Variants in SEC22A observed in about 807,000 individuals in gnomAD.
The protein encoded by SEC22A is SEC22 homolog A, vesicle trafficking protein, also known as vesicle-trafficking protein SEC22a.
Under a neutral mutation model 35.3 loss-of-function variants are expected in SEC22A, and 22 were observed. The observed-to-expected ratio is 0.62, with a 90% confidence interval of 0.45 to 0.89. The LOEUF is 0.89. SEC22A is among the 40% of genes least tolerant of loss of function. The probability of loss-of-function intolerance (pLI) is 0.00; values close to 1 mark genes in which losing one functional copy is unlikely to be tolerated. For missense variants in SEC22A, 354 were observed against 362.5 expected (o/e 0.98, Z 0.19); for synonymous variants, 119 against 129.5 (o/e 0.92, Z 0.55).
At chr3:123,203,323 A>G (rs1301508428) in intron 1 of SEC22A, among the ~76,000 whole-genome samples, 1 of 152,008 alleles carries the variant, frequency 6.6e-6, no homozygotes, top group African/African-American at 2.4e-5. Context: ...CCTATCTCAC[A>G]GGTTTTTGGA....
At chr3:123,260,833 C>A in intron 6 of SEC22A, among the ~76,000 whole-genome samples, 1 of 127,988 alleles carries the variant, frequency 7.8e-6, no homozygotes. Flanking sequence ...ACTTGATTTT[C>A]TTTTTCTTTT....
chr3:123,216,251 A>G (rs563532561), intron 2 of SEC22A, among the ~76,000 whole-genome samples: 1 of 152,292 alleles, frequency 6.6e-6, no homozygotes, highest in Non-Finnish European at 1.5e-5. Context: ...GGATTATCTG[A>G]TCAGTTATCT....
intron 4 of SEC22A, among the ~76,000 whole-genome samples, chr3:123,242,514 A>G (rs1156414559): frequency 9.2e-6 from 1 of 108,626 alleles, no homozygotes; most frequent in East Asian, 2.3e-4. Flanking sequence ...TTTTTTTTTT[A>G]ATTTTAGCTT....
At chr3:123,228,109 A>G (rs139939063) in intron 4 of SEC22A, among the ~76,000 whole-genome samples, 1 of 152,272 alleles carries the variant, frequency 6.6e-6, no homozygotes, top group East Asian at 1.9e-4. Context: ...GAAGAGGGTA[A>G]CAAATTTCAT....
At chr3:123,205,238 G>C (rs985514194) in intron 1 of SEC22A, among the ~76,000 whole-genome samples, 2 of 152,204 alleles carry the variant, frequency 1.3e-5, no homozygotes, top group Non-Finnish European at 2.9e-5. Context: ...TTTGGATGCT[G>C]AATCAAATTA....
chr3:123,253,651 G>A (rs1355573994), intron 5 of SEC22A, among the ~76,000 whole-genome samples: 3 of 149,214 alleles, frequency 2.0e-5, no homozygotes, highest in Admixed American at 6.8e-5. Flanking sequence ...GGCGGAGGTT[G>A]TAGTGAGCCG....
chr3:123,221,515 G>A (rs1330997725), intron 2 of SEC22A, among the ~76,000 whole-genome samples: 2 of 147,422 alleles, frequency 1.4e-5, no homozygotes, highest in African/African-American at 5.0e-5. Context: ...TAGTTTAGCA[G>A]AGTCCAGCAT....
chr3:123,233,353 A>C (rs1937355273), intron 4 of SEC22A, among the ~76,000 whole-genome samples: 1 of 152,192 alleles, frequency 6.6e-6, no homozygotes, highest in African/African-American at 2.4e-5. Context: ...CATATAGCCT[A>C]GGTATGTATT....
At chr3:123,246,524 G>A (rs1014927656) in intron 5 of SEC22A, among the ~76,000 whole-genome samples, 1 of 152,020 alleles carries the variant, frequency 6.6e-6, no homozygotes, top group Non-Finnish European at 1.5e-5. Context: ...TTCTTTTTTT[G>A]TTAGTGGCTT....
Position 123,259,639 on chromosome 3 carries a change from G to A in SEC22A, c.723+50G>A, listed in dbSNP as rs9289216. ...AACACTTACCATTATTGTTTACTTC[G>A]GGTATCAGTTCTAACAATTGTGCAT... On this transcript the variant is annotated intron_variant, in intron 6 of 6. Coordinates refer to ENST00000492595, the MANE Select transcript of SEC22A (RefSeq NM_012430.5). 233,214 of 1,227,482 alleles carry A rather than the reference G, an allele frequency of 0.19. 23,007 individuals carry two copies. The highest frequency in any genetic ancestry group is 0.28 in the Middle Eastern group (1,445 of 5,236). The allele number at this position is 1,227,482 out of a possible 1,614,324, so 76.0% of individuals were successfully genotyped here.
intron 1 of SEC22A, 27 bp from the exon 2 acceptor site, chr3:123,209,172 T>C (rs766264296): frequency 6.3e-7 from 1 of 1,580,054 alleles, no homozygotes; most frequent in South Asian, 1.1e-5. Context: ...AATTTTTATG[T>C]AACCCAAATT....
intron 6 of SEC22A, among the ~76,000 whole-genome samples, chr3:123,261,345 T>A (rs1937891338): frequency 1.3e-5 from 2 of 152,196 alleles, no homozygotes; most frequent in Admixed American, 6.5e-5. Flanking sequence ...AATATCTCAT[T>A]TTTTAAAGTG....
chr3:123,254,572 A>C (rs1382540641), intron 5 of SEC22A, among the ~76,000 whole-genome samples: 1 of 151,844 alleles, frequency 6.6e-6, no homozygotes, highest in East Asian at 1.9e-4. Flanking sequence ...CCTACATTTC[A>C]TCTGCTGGTT....
rs200401804 is a variant in SEC22A, at chr3:123,225,130, G to A, written c.374G>A (p.Arg125Gln). The A allele has an allele frequency of 7.5e-6, 12 of 1,610,640 alleles. No homozygotes were observed. The highest frequency in any genetic ancestry group is 4.5e-5 in the East Asian group (2 of 44,850). Reference sequence around the variant, plus strand: ...AACTTCATTCAGAGGACCAAGCAGCGATATAATAATCCCAGGTCTCTTTCA... The same window carrying A: ...AACTTCATTCAGAGGACCAAGCAGCAATATAATAATCCCAGGTCTCTTTCA... Reference protein sequence around the residue: ...FDNFIQRTKQRYNNPRSLSTK... With the variant: ...FDNFIQRTKQQYNNPRSLSTK... The change falls in exon 4 of 7, where the codon CGA (arginine) becomes CAA (glutamine). Residue 125 changes from arginine (R) to glutamine (Q), a missense_variant. Transcript: ENST00000492595.
intron 2 of SEC22A, among the ~76,000 whole-genome samples, chr3:123,215,252 T>A (rs1192546034): frequency 6.6e-6 from 1 of 152,132 alleles, no homozygotes; most frequent in Admixed American, 6.5e-5. Context: ...TTCACAGATG[T>A]TATCAGGAAT....
chr3:123,262,395 T>G (rs1185264628), intron 6 of SEC22A, among the ~76,000 whole-genome samples: 1 of 152,350 alleles, frequency 6.6e-6, no homozygotes, highest in South Asian at 2.1e-4. Context: ...TCATCAATTG[T>G]TAACATCTTG....
intron 1 of SEC22A, among the ~76,000 whole-genome samples, chr3:123,205,735 T>G (rs1936841756): frequency 6.6e-6 from 1 of 152,120 alleles, no homozygotes; most frequent in Non-Finnish European, 1.5e-5. Flanking sequence ...AAATGTAAGT[T>G]TGTCCAACTT....
At chr3:123,250,703 A>G (rs1297968709) in intron 5 of SEC22A, among the ~76,000 whole-genome samples, 2 of 152,186 alleles carry the variant, frequency 1.3e-5, no homozygotes, top group African/African-American at 4.8e-5. Context: ...CCCTCTCAGA[A>G]CAATGGCCAT....
chr3:123,206,309 G>A (rs548899953), intron 1 of SEC22A, among the ~76,000 whole-genome samples: 1 of 152,112 alleles, frequency 6.6e-6, no homozygotes, highest in South Asian at 2.1e-4. Flanking sequence ...TTCTAGGTTG[G>A]TCTTGAACTC....
Sources: gnomAD v4.1 joint callset for allele counts (sites outside exome capture counted in the v4.1 genomes callset) on GRCh38, gnomAD v4.1.1 for gene constraint, MANE v1.5 for transcripts, NCBI Gene and HGNC (gene_info 2026-07-23, HGNC 2026-07-21) for gene names.